COL25A1: variants seen among roughly 807,000 people sequenced by gnomAD.
The protein encoded by COL25A1 is collagen alpha-1(XXV) chain.
In COL25A1, 103 loss-of-function variants were observed where a neutral mutation model predicts 128.4. That is an observed-to-expected ratio of 0.80 (90% CI 0.68 to 0.94). The LOEUF (loss-of-function observed/expected upper bound fraction) is 0.94, where lower values mean the gene tolerates loss of function less well. Among genes scored for constraint, COL25A1 ranks in the 40% least tolerant of loss-of-function variants. The pLI, the probability that COL25A1 is intolerant of heterozygous loss-of-function variation, is 0.00. For synonymous variants in COL25A1, 279 were observed against 277.2 expected (o/e 1.01, Z -0.06); for missense variants, 745 against 840.0 (o/e 0.89, Z 1.40).
At chr4:109,254,387 T>C (rs1386159170) in intron 3 of COL25A1, among the ~76,000 whole-genome samples, 1 of 147,828 alleles carries the variant, frequency 6.8e-6, no homozygotes, top group Non-Finnish European at 1.5e-5. Flanking sequence ...GTCACAAGGC[T>C]GGGAACGCTA....
intron 30 of COL25A1, among the ~76,000 whole-genome samples, chr4:108,843,908 TA>T (rs1734765409): frequency 2.6e-5 from 4 of 151,918 alleles, no homozygotes; most frequent in South Asian, 2.1e-4. Flanking sequence ...TTATTATTAT[TA>T]TTATTTTTGA....
At chr4:109,221,869 T>C (rs1169663131) in intron 3 of COL25A1, among the ~76,000 whole-genome samples, 1 of 152,004 alleles carries the variant, frequency 6.6e-6, no homozygotes, top group Non-Finnish European at 1.5e-5. Flanking sequence ...ATAAATAAAA[T>C]ACCCCAATTT....
chr4:108,972,429 A>G (rs1025596129), intron 8 of COL25A1, among the ~76,000 whole-genome samples: 1 of 152,122 alleles, frequency 6.6e-6, no homozygotes, highest in Non-Finnish European at 1.5e-5. Flanking sequence ...TACTATCTTG[A>G]TATGATCAAT....
intron 11 of COL25A1, among the ~76,000 whole-genome samples, chr4:108,921,717 C>G (rs1281930124): frequency 6.6e-6 from 1 of 152,194 alleles, no homozygotes; most frequent in Non-Finnish European, 1.5e-5. Context: ...TTGCAATCCT[C>G]ACAGGAAGAC....
At chr4:108,884,558 T>C (rs1740552431) in intron 18 of COL25A1, among the ~76,000 whole-genome samples, 1 of 152,206 alleles carries the variant, frequency 6.6e-6, no homozygotes, top group South Asian at 2.1e-4. Flanking sequence ...AGGCTGAATC[T>C]ATTTGCCCAA....
Position 108,849,413 on chromosome 4 carries a change from T to G in COL25A1, c.1390-610A>C, listed in dbSNP as rs144535620. On this transcript the variant is annotated intron_variant, in intron 26 of 37. Coordinates refer to ENST00000399132, the MANE Select transcript of COL25A1 (RefSeq NM_198721.4). ...TAGATCAATTCAATTTCTTATACTG[T>G]GCTATGAATGAACTAAAATTTACTA... 2.3e-3 allele frequency among the ~76,000 whole-genome samples: 356 copies of G among 152,308 alleles called. 13 individuals are homozygous for G. In the East Asian group the frequency reaches 0.053, roughly 23 times the overall value.
At chr4:108,870,772 A>C (rs1166667257) in intron 19 of COL25A1, among the ~76,000 whole-genome samples, 1 of 152,226 alleles carries the variant, frequency 6.6e-6, no homozygotes, top group African/African-American at 2.4e-5. Context: ...CTCCCTTCCC[A>C]AGAGAAATGC....
intron 3 of COL25A1, among the ~76,000 whole-genome samples, chr4:109,260,843 T>A (rs1781399687): frequency 6.6e-6 from 1 of 150,942 alleles, no homozygotes; most frequent in South Asian, 2.1e-4. Context: ...AATTTCACAA[T>A]CAGGAGGAAA....
At chr4:109,163,976 A>G (rs1330726151) in intron 3 of COL25A1, among the ~76,000 whole-genome samples, 1 of 152,200 alleles carries the variant, frequency 6.6e-6, no homozygotes, top group African/African-American at 2.4e-5. Flanking sequence ...CAAGTAGTAA[A>G]ACCTGAGTAA....
At chr4:108,966,767 C>T (rs1318358146) in intron 8 of COL25A1, among the ~76,000 whole-genome samples, 2 of 151,782 alleles carry the variant, frequency 1.3e-5, no homozygotes, top group African/African-American at 4.8e-5. Context: ...AGGAGGATCA[C>T]CTGAGCCTTG....
chr4:108,873,077 G>A (rs1738965381), intron 19 of COL25A1, among the ~76,000 whole-genome samples: 1 of 151,818 alleles, frequency 6.6e-6, no homozygotes, highest in Admixed American at 6.6e-5. Context: ...ATATTTTGTA[G>A]AGACTAGGTC....
At chr4:108,849,558 G>A (rs578125184) in intron 26 of COL25A1, among the ~76,000 whole-genome samples, 29 of 152,156 alleles carry the variant, frequency 1.9e-4, no homozygotes, top group African/African-American at 6.7e-4. Context: ...AAAGTTAATC[G>A]AACAGCAAAT....
At chr4:108,983,270 G>A (rs914271584) in intron 6 of COL25A1, among the ~76,000 whole-genome samples, 1 of 151,924 alleles carries the variant, frequency 6.6e-6, no homozygotes, top group Non-Finnish European at 1.5e-5. Flanking sequence ...TCCTTTTGTC[G>A]AAAGAAAGTA....
At chr4:109,194,770 A>G (rs1261557509) in intron 3 of COL25A1, among the ~76,000 whole-genome samples, 1 of 152,094 alleles carries the variant, frequency 6.6e-6, no homozygotes, top group East Asian at 1.9e-4. Flanking sequence ...GCTTTATACC[A>G]TGTGACTGTG....
chr4:109,046,469 C>A (rs1465140461), intron 5 of COL25A1, among the ~76,000 whole-genome samples: 2 of 152,018 alleles, frequency 1.3e-5, no homozygotes, highest in Non-Finnish European at 1.5e-5. Context: ...AATGTGGATT[C>A]CAAAAAAAGA....
intron 19 of COL25A1, among the ~76,000 whole-genome samples, chr4:108,874,281 A>G (rs989331907): frequency 6.6e-5 from 10 of 152,202 alleles, no homozygotes; most frequent in African/African-American, 1.9e-4. Context: ...TGGAATGTAT[A>G]ATGATTATCA....
In COL25A1 at chr4:109,232,996, G is replaced by A. The variant is rs148847534; in HGVS notation, c.367+67587C>T. 9.2e-3 allele frequency among the ~76,000 whole-genome samples: 1,407 copies of A among 152,310 alleles called. 62 individuals carry two copies. Among genetic ancestry groups the A allele is most frequent in the Admixed American group, 0.08 (1,227 of 15,286 alleles). ...GATAACTGCTATCTTCAGTGGAAAA[G>A]AGGAAGTCCAAAATGATAGAATTGG... is the stretch of plus-strand genomic sequence containing the variant. On this transcript the variant is annotated intron_variant, in intron 3 of 37. Transcript: ENST00000399132.
intron 3 of COL25A1, among the ~76,000 whole-genome samples, chr4:109,085,077 T>A (rs539936056): frequency 6.6e-6 from 1 of 152,332 alleles, no homozygotes; most frequent in African/African-American, 2.4e-5. Flanking sequence ...CACCAAATGA[T>A]CCTGGTTCTC....
At chr4:108,842,318 C>T (rs981881171) in intron 30 of COL25A1, among the ~76,000 whole-genome samples, 1 of 152,084 alleles carries the variant, frequency 6.6e-6, no homozygotes, top group African/African-American at 2.4e-5. Context: ...TTTATTTTTA[C>T]AAAAACAAAT....
Sources: gnomAD v4.1 joint callset for allele counts (sites outside exome capture counted in the v4.1 genomes callset) on GRCh38, gnomAD v4.1.1 for gene constraint, MANE v1.5 for transcripts, NCBI Gene and HGNC (gene_info 2026-07-23, HGNC 2026-07-21) for gene names.